NAALADL2: variants seen among roughly 807,000 people sequenced by gnomAD.
NAALADL2 encodes inactive N-acetylated-alpha-linked acidic dipeptidase-like protein 2.
NAALADL2 carries 76 observed loss-of-function variants against 87.2 expected under a neutral mutation model. That is an observed-to-expected ratio of 0.87 (90% CI 0.72 to 1.05). The LOEUF is 1.05. NAALADL2 is among the 50% of genes least tolerant of loss of function. The pLI is 0.00. For missense variants in NAALADL2, 1,089 were observed against 945.8 expected (o/e 1.15, Z -1.99); for synonymous variants, 354 against 331.0 (o/e 1.07, Z -0.75).
intron 13 of NAALADL2, among the ~76,000 whole-genome samples, chr3:175,776,702 A>G (rs1437184203): frequency 6.6e-6 from 1 of 152,154 alleles, no homozygotes; most frequent in Non-Finnish European, 1.5e-5. Flanking sequence ...AAAGTCTGTC[A>G]ATGATTAAAT....
At chr3:174,667,545 GTT>G (rs71162402) in intron 2 of NAALADL2, among the ~76,000 whole-genome samples, 40 of 123,746 alleles carry the variant, frequency 3.2e-4, no homozygotes, top group East Asian at 5.1e-4. Context: ...ATGGGAGAGA[GTT>G]TTTTTTTTTT....
At chr3:175,645,855 C>T (rs948279919) in intron 11 of NAALADL2, among the ~76,000 whole-genome samples, 1 of 152,060 alleles carries the variant, frequency 6.6e-6, no homozygotes, top group African/African-American at 2.4e-5. Flanking sequence ...TCAATATTCA[C>T]ATTCTTTAAA....
chr3:175,334,513 T>C (rs984514778), intron 5 of NAALADL2, among the ~76,000 whole-genome samples: 4 of 152,228 alleles, frequency 2.6e-5, no homozygotes, highest in Non-Finnish European at 5.9e-5. Context: ...TATTTATTTA[T>C]GGTTTGTCTA....
chr3:174,606,237 A>C (rs1288159137), intron 2 of NAALADL2, among the ~76,000 whole-genome samples: 1 of 152,206 alleles, frequency 6.6e-6, no homozygotes, highest in Non-Finnish European at 1.5e-5. Context: ...GAGCAGAAAA[A>C]CTGGAAACTT....
chr3:174,839,279 T>G (rs749446995), intron 3 of NAALADL2, among the ~76,000 whole-genome samples: 11 of 152,120 alleles, frequency 7.2e-5, no homozygotes, highest in African/African-American at 9.7e-5. Flanking sequence ...ACTGGGATAA[T>G]TGGCTAGCCA....
chr3:175,044,728 A>G (rs1259174058), intron 1 of NAALADL2, among the ~76,000 whole-genome samples: 3 of 152,154 alleles, frequency 2.0e-5, no homozygotes, highest in African/African-American at 7.2e-5. Flanking sequence ...GGTCCATAGA[A>G]AATGTGCTGG....
At chr3:174,803,039 T>G (rs1416094488) in intron 3 of NAALADL2, among the ~76,000 whole-genome samples, 1 of 152,162 alleles carries the variant, frequency 6.6e-6, no homozygotes, top group South Asian at 2.1e-4. Context: ...TAGTTCTAGA[T>G]ACTTGAATTG....
At chr3:175,252,601 C>T (rs1396957418) in intron 3 of NAALADL2, among the ~76,000 whole-genome samples, 1 of 152,120 alleles carries the variant, frequency 6.6e-6, no homozygotes, top group Non-Finnish European at 1.5e-5. Flanking sequence ...AGTTACATGT[C>T]TCTCACTTTC....
Position 174,928,223 on chromosome 3 carries a change from T to G in NAALADL2, c.43+68773T>G, listed in dbSNP as rs778727850. Reference sequence around the variant, plus strand: ...TTAGGGATATTGTAAAATTTTGATGTCACCCTTATGTGACATCTGTTATTT... The same window carrying G: ...TTAGGGATATTGTAAAATTTTGATGGCACCCTTATGTGACATCTGTTATTT... On this transcript the variant is annotated intron_variant, in intron 1 of 13. Transcript: ENST00000454872. 4.5e-4 allele frequency among the ~76,000 whole-genome samples: 69 copies of G among 152,254 alleles called. 1 individual carries two copies. Among genetic ancestry groups the G allele is most frequent in the Non-Finnish European group, 8.4e-4 (57 of 68,022 alleles).
chr3:175,578,047 G>A (rs1719159462), intron 10 of NAALADL2, among the ~76,000 whole-genome samples: 1 of 152,128 alleles, frequency 6.6e-6, no homozygotes, highest in African/African-American at 2.4e-5. Flanking sequence ...TAGGAGGCCT[G>A]AAATTTTAAA....
Position 175,570,113 on chromosome 3 carries a change from G to C in NAALADL2, c.1654-5928G>C, listed in dbSNP as rs75874997. On this transcript the variant is annotated intron_variant, in intron 9 of 13. Transcript: ENST00000454872. The stretch of plus-strand genomic sequence containing the variant: ...TTTCAGTCCAAAAGCCAACAGGCTT[G>C]AGACTCTTAAAAAGCTTATTTTTGG... Among the ~76,000 whole-genome samples, 923 of 152,240 alleles carry C rather than the reference G, an allele frequency of 6.1e-3. 8 individuals carry two copies. The highest frequency in any genetic ancestry group is 0.021 in the African/African-American group (873 of 41,556).
rs148856572 is a variant in NAALADL2 at position 174,808,484 on chromosome 3, T to C, written c.-9+70738T>C. Among the ~76,000 whole-genome samples, 52 of 152,274 alleles carry C rather than the reference T, an allele frequency of 3.4e-4. No homozygotes were observed. The East Asian group carries it at 9.1e-3, about 27-fold the overall frequency. On this transcript the variant is annotated intron_variant, in intron 3 of 3. Coordinates refer to the NAALADL2 transcript ENST00000434257. ...TTCCTCTTTATGAAAATATGTGAAC[T>C]AGATATAGCATTGAATATATATTGC... is the stretch of plus-strand genomic sequence containing the variant.
At position 174,666,337 on chromosome 3, in the gene NAALADL2, A is replaced by G. The variant is rs528458918; in HGVS notation, c.-114-71304A>G. On this transcript the variant is annotated intron_variant, in intron 2 of 3. Transcript: ENST00000434257. ...AATTATTTCTTCAGCTATTGCAAAC[A>G]CCAAGCACGAATAGTATGAATTACT... 6.6e-5 allele frequency among the ~76,000 whole-genome samples: 10 copies of G among 152,338 alleles called. No homozygotes were observed. The East Asian group carries it at 1.9e-3, about 29-fold the overall frequency.
intron 1 of NAALADL2, among the ~76,000 whole-genome samples, chr3:174,515,790 C>G (rs1307885871): frequency 1.3e-5 from 2 of 151,564 alleles, no homozygotes; most frequent in African/African-American, 4.8e-5. Context: ...AACAGTGATT[C>G]AAGGTTATCT....
intron 5 of NAALADL2, among the ~76,000 whole-genome samples, chr3:175,391,516 T>A (rs1769065235): frequency 6.6e-6 from 1 of 152,042 alleles, no homozygotes; most frequent in Admixed American, 6.6e-5. Flanking sequence ...AAACACCCAG[T>A]GGGGGAAGTA....
At chr3:174,470,442 C>T (rs2108309604) in intron 1 of NAALADL2, among the ~76,000 whole-genome samples, 1 of 152,200 alleles carries the variant, frequency 6.6e-6, no homozygotes, top group East Asian at 1.9e-4. Context: ...TTCTCCCATT[C>T]TGTAGGTTGT....
chr3:174,754,946 A>G (rs1289420281), intron 3 of NAALADL2, among the ~76,000 whole-genome samples: 1 of 152,172 alleles, frequency 6.6e-6, no homozygotes, highest in Non-Finnish European at 1.5e-5. Flanking sequence ...TTAAGTTTAT[A>G]TAACTAGATT....
intron 2 of NAALADL2, among the ~76,000 whole-genome samples, chr3:174,628,063 G>C (rs1265439662): frequency 6.6e-6 from 1 of 152,188 alleles, no homozygotes; most frequent in African/African-American, 2.4e-5. Flanking sequence ...TGTAACACAA[G>C]TGTATTTGTA....
chr3:174,831,663 G>A (rs1025543284), intron 3 of NAALADL2, among the ~76,000 whole-genome samples: 5 of 151,228 alleles, frequency 3.3e-5, no homozygotes, highest in Non-Finnish European at 5.9e-5. Context: ...CTATTGATTG[G>A]AATAGTTTCA....
Sources: allele counts gnomAD v4.1 joint callset (sites outside exome capture counted in the v4.1 genomes callset), GRCh38; gene constraint gnomAD v4.1.1; transcripts MANE v1.5; gene names NCBI Gene and HGNC (gene_info 2026-07-23, HGNC 2026-07-21).